Variants in TRIO observed in about 807,000 individuals in gnomAD.
TRIO encodes the protein triple functional domain protein.
Under a neutral mutation model 351.9 loss-of-function variants are expected in TRIO, and 58 were observed. The observed-to-expected ratio is 0.16, with a 90% CI of 0.13 to 0.21. The LOEUF (loss-of-function observed/expected upper bound fraction) is 0.21, where lower values mean the gene tolerates loss of function less well. TRIO is among the 10% of genes least tolerant of loss of function. The pLI, the probability that TRIO is intolerant of heterozygous loss-of-function variation, is 1.00. For synonymous variants in TRIO, 1,758 were observed against 1,595.7 expected (o/e 1.10, Z -2.42); for missense variants, 3,201 against 4,027.8 (o/e 0.79, Z 5.56).
intron 28 of TRIO, 134 bp downstream of exon 28, chr5:14,394,264 TA>T: frequency 1.7e-6 from 1 of 585,348 alleles, no homozygotes; most frequent in Non-Finnish European, 2.9e-6. Flanking sequence ...AATTCATTAG[TA>T]TTTATTGACC....
chr5:14,328,512 A>G (rs542941292), intron 9 of TRIO, among the ~76,000 whole-genome samples: 3 of 152,266 alleles, frequency 2.0e-5, no homozygotes, highest in Non-Finnish European at 2.9e-5. Context: ...AATGCGCTCA[A>G]TACGCCAGTT....
chr5:14,359,543 G>A lies in TRIO; in HGVS notation c.2391+12G>A, dbSNP rs377267928. ...GGGACGCCATCGACGTGAGTGTCCC[G>A]CGGCTGGCGCCTGCCTGCCTGTGGG... is the stretch of plus-strand genomic sequence containing the variant. On this transcript the variant is annotated intron_variant, in intron 13 of 56. Coordinates refer to ENST00000344204, the MANE Select transcript of TRIO (RefSeq NM_007118.4). 59 of 1,610,266 alleles carry A rather than the reference G, an allele frequency of 3.7e-5. No homozygotes were observed. Among genetic ancestry groups the A allele is most frequent in the Admixed American group, 5.0e-5 (3 of 59,928 alleles).
chr5:14,271,903 T>C (rs1370045788), intron 2 of TRIO, among the ~76,000 whole-genome samples: 1 of 152,234 alleles, frequency 6.6e-6, no homozygotes, highest in East Asian at 1.9e-4. Context: ...CTTGTTTTGC[T>C]TCATGTTCAG....
At chr5:14,245,870 T>G (rs1018516608) in intron 1 of TRIO, among the ~76,000 whole-genome samples, 3 of 152,210 alleles carry the variant, frequency 2.0e-5, no homozygotes, top group Non-Finnish European at 4.4e-5. Context: ...TGATGTCCGT[T>G]CCAGGTAAAT....
At chr5:14,370,911 T>C (rs1270234851) in intron 18 of TRIO, among the ~76,000 whole-genome samples, 1 of 152,212 alleles carries the variant, frequency 6.6e-6, no homozygotes, top group Non-Finnish European at 1.5e-5. Context: ...GATAGCTATT[T>C]AGGTAAAATT....
chr5:14,496,687 A>G (rs187620472), intron 49 of TRIO, among the ~76,000 whole-genome samples, 192 bp from the exon 50 acceptor site: 68 of 152,220 alleles, frequency 4.5e-4, no homozygotes, highest in African/African-American at 1.6e-3. Flanking sequence ...AAACTTTAAG[A>G]GATTGTTGGT....
At chr5:14,182,380 C>T (rs1444613947) in intron 1 of TRIO, among the ~76,000 whole-genome samples, 1 of 152,220 alleles carries the variant, frequency 6.6e-6, no homozygotes, top group Non-Finnish European at 1.5e-5. Flanking sequence ...AGAGATGCTT[C>T]TACCTTGGGA....
rs1791541309 is a variant in TRIO at position 14,207,318 on chromosome 5, TCACACACAC to T, written c.157+63437_157+63445del. 3.6e-4 allele frequency among the ~76,000 whole-genome samples: 4 copies of T among 11,054 alleles called. 1 individual carries two copies. The highest frequency in any genetic ancestry group is 4.2e-3 in the South Asian group (1 of 240). The allele number at this position is 11,054 out of a possible 152,430, so 7.3% of individuals were successfully genotyped here. ...CCAGGTAGCATAGCAAGACTGTCTCTCACACACACACACACACACACACACACACACACA... is the reference window on the plus strand; with the variant it reads ...CCAGGTAGCATAGCAAGACTGTCTCTACACACACACACACACACACACACA... On this transcript the variant is annotated intron_variant, in intron 1 of 56. Coordinates refer to ENST00000344204, the MANE Select transcript of TRIO (RefSeq NM_007118.4).
In TRIO at chr5:14,443,405, A is replaced by G. The variant is rs566411751; in HGVS notation, c.5204-17614A>G. On this transcript the variant is annotated intron_variant, in intron 34 of 56. Transcript: ENST00000344204. ...TCAAGACAATTTCCTGAATGCTGTT[A>G]TATCAGAGTGATGTTTTAATATTCT... is the stretch of plus-strand genomic sequence containing the variant. 2.6e-5 allele frequency among the ~76,000 whole-genome samples: 4 copies of G among 152,354 alleles called. No individual in the cohort carries two copies. The South Asian group carries it at 6.2e-4, about 24-fold the overall frequency.
intron 7 of TRIO, among the ~76,000 whole-genome samples, chr5:14,302,212 C>G (rs1737963435): frequency 6.6e-6 from 1 of 152,164 alleles, no homozygotes; most frequent in Non-Finnish European, 1.5e-5. Flanking sequence ...TAATCTGATG[C>G]TTCTGTTCAT....
chr5:14,157,410 C>CCTCCCTGTGTCTCCCTCTCT (rs1581245328), intron 1 of TRIO, among the ~76,000 whole-genome samples: 2 of 140,436 alleles, frequency 1.4e-5, no homozygotes, highest in South Asian at 2.3e-4. Context: ...TCCCCGCCTC[C>CCTCCCTGTGTCTCCCTCTCT]CTCCCTGTGT....
chr5:14,210,685 A>C (rs1791833526), intron 1 of TRIO, among the ~76,000 whole-genome samples: 1 of 152,344 alleles, frequency 6.6e-6, no homozygotes, highest in African/African-American at 2.4e-5. Flanking sequence ...TTTTATTTCA[A>C]CATGAATCAT....
chr5:14,416,388 G>A (rs757361178), intron 33 of TRIO, among the ~76,000 whole-genome samples: 3 of 151,884 alleles, frequency 2.0e-5, no homozygotes, highest in Non-Finnish European at 4.4e-5. Context: ...TGCATCCCCA[G>A]GACAGCTCTT....
At chr5:14,224,677 G>A (rs542170834) in intron 1 of TRIO, among the ~76,000 whole-genome samples, 15 of 152,098 alleles carry the variant, frequency 9.9e-5, no homozygotes, top group Non-Finnish European at 2.1e-4. Context: ...GAAGGACTCA[G>A]TGGCTAAAAT....
chr5:14,247,114 C>T (rs943995405), intron 1 of TRIO, among the ~76,000 whole-genome samples: 1 of 152,252 alleles, frequency 6.6e-6, no homozygotes, highest in African/African-American at 2.4e-5. Context: ...AGGGCTGGCA[C>T]CTGCATTGTG....
rs539566975 is a variant in TRIO at position 14,509,503 on chromosome 5, T to C, written c.*1081T>C. The stretch of plus-strand genomic sequence containing the variant: ...TAAAAGTGATTTCATACTCTGAATA[T>C]AAAACTGGATAATAGGGTAATGTTT... On this transcript the variant is annotated 3_prime_UTR_variant, in exon 57 of 57. Transcript: ENST00000344204. 1.4e-5 allele frequency: 6 copies of C among 435,334 alleles called. No homozygotes were observed. Among genetic ancestry groups the C allele is most frequent in the South Asian group, 9.9e-5 (6 of 60,362 alleles). The allele number at this position is 435,334 out of a possible 1,614,324, so 27.0% of individuals were successfully genotyped here.
chr5:14,145,170 A>T (rs1189605283), intron 1 of TRIO, among the ~76,000 whole-genome samples: 1 of 152,110 alleles, frequency 6.6e-6, no homozygotes, highest in African/African-American at 2.4e-5. Flanking sequence ...CCTCTTTGAA[A>T]ATCACCTCCC....
At chr5:14,152,484 C>T (rs1787898030) in intron 1 of TRIO, among the ~76,000 whole-genome samples, 2 of 152,212 alleles carry the variant, frequency 1.3e-5, no homozygotes, top group African/African-American at 4.8e-5. Context: ...AGTTCTCTGC[C>T]TTAGCCTCCC....
At chr5:14,406,893 C>T (rs1237167377) in intron 33 of TRIO, among the ~76,000 whole-genome samples, 1 of 152,152 alleles carries the variant, frequency 6.6e-6, no homozygotes, top group Non-Finnish European at 1.5e-5. Context: ...CAACTCTTTC[C>T]ATCCTGCCCT....
Sources: gnomAD v4.1 joint callset for allele counts (sites outside exome capture counted in the v4.1 genomes callset) on GRCh38, gnomAD v4.1.1 for gene constraint, MANE v1.5 for transcripts, NCBI Gene and HGNC (gene_info 2026-07-23, HGNC 2026-07-21) for gene names.